Variants in NUP155 observed in about 807,000 individuals in gnomAD.
NUP155 encodes nucleoporin 155.
A neutral mutation model predicts 180.4 loss-of-function variants in NUP155; 71 were observed. The observed-to-expected ratio is 0.39, with a 90% CI of 0.33 to 0.48. The LOEUF is 0.48. Ranked by LOEUF, NUP155 falls within the 20% of genes least tolerant of loss-of-function variation. NUP155 has a pLI of 0.91. For missense variants in NUP155, 1,553 were observed against 1,648.9 expected, an observed-to-expected ratio of 0.94 and a Z score of 1.01; for synonymous variants, 582 against 559.5, an observed-to-expected ratio of 1.04 and a Z score of -0.57.
intron 32 of NUP155, 94 bp downstream of exon 32, chr5:37,298,774 C>G: frequency 1.3e-6 from 1 of 757,188 alleles, no homozygotes; most frequent in South Asian, 1.5e-5. Flanking sequence ...CAAAGAAACT[C>G]TTTATTTTAC....
Position 37,329,201 on chromosome 5 carries a change from G to C in NUP155, c.1802C>G (p.Pro601Arg). 1 of 1,612,810 alleles carries C rather than the reference G, an allele frequency of 6.2e-7. No individual in the cohort carries two copies. The highest frequency in any genetic ancestry group is 8.5e-7 in the Non-Finnish European group (1 of 1,178,872). The change falls in exon 16 of 35, where the codon CCT (proline) becomes CGT (arginine). Residue 601 changes from proline to arginine, a missense_variant. By Grantham distance (103) the Pro-to-Arg change is moderately radical. Coordinates refer to ENST00000231498, the MANE Select transcript of NUP155 (RefSeq NM_153485.3). ...TGTTCCATACTCACTAGAATAGACA[G>C]GAGACCCCAAGATGGGACCAACATT... ...PSNVGPILGS[P>R]VYSSSPVPSG...
intron 10 of NUP155, 132 bp from the exon 11 acceptor site, chr5:37,341,374 T>C (rs1745709797): frequency 2.5e-6 from 2 of 799,210 alleles, no homozygotes; most frequent in Admixed American, 2.1e-5. Context: ...CTAATTTTTA[T>C]TTTTGGAGAT....
At chr5:37,350,344 A>G in intron 6 of NUP155, 79 bp from the exon 7 acceptor site, 1 of 898,488 alleles carries the variant, frequency 1.1e-6, no homozygotes, top group Non-Finnish European at 1.8e-6. Flanking sequence ...CATATTTATA[A>G]AAACCTTCAA....
At chr5:37,318,267 T>C (rs970562592) in intron 20 of NUP155, among the ~76,000 whole-genome samples, 182 bp from the exon 21 acceptor site, 3 of 151,918 alleles carry the variant, frequency 2.0e-5, no homozygotes, top group Admixed American at 2.0e-4. Flanking sequence ...AGATGCTACT[T>C]AAAATGACTG....
intron 25 of NUP155, 80 bp downstream of exon 25, chr5:37,307,216 TA>T: frequency 1.6e-6 from 2 of 1,234,184 alleles, no homozygotes; most frequent in Non-Finnish European, 2.2e-6. Context: ...AAAAAAAACA[TA>T]AAACAAAAAA....
At chr5:37,304,915 A>C in intron 26 of NUP155, 72 bp from the exon 27 acceptor site, 1 of 1,505,568 alleles carries the variant, frequency 6.6e-7, no homozygotes, top group South Asian at 1.1e-5. Flanking sequence ...CTTTAGCCCT[A>C]TAAACTCCAG....
In NUP155 at chr5:37,350,233, C is replaced by A. The variant is rs762360647; in HGVS notation, c.756G>T (p.Arg252Ser). The A allele has an allele frequency of 6.2e-7, 1 of 1,613,800 alleles. No homozygotes were observed. The highest frequency in any genetic ancestry group is 8.5e-7 in the Non-Finnish European group (1 of 1,179,890). Residue 252 changes from arginine (R) to serine (S), a missense_variant, in exon 7 of 35, where the codon AGG (arginine) becomes AGT (serine). Arg to Ser is a moderately radical substitution (Grantham distance 110). Coordinates refer to ENST00000231498, the MANE Select transcript of NUP155 (RefSeq NM_153485.3). ...GTGAGCTCTTTGAGTGGTTTATTTT[C>A]CTACATCTTTGGCTAAACCACCCTG... The part of the protein sequence containing the change: ...AEAGWFSQRC[R>S]KINHSKSSLS...
At chr5:37,366,499 C>T (rs947087992) in intron 1 of NUP155, among the ~76,000 whole-genome samples, 14 of 152,096 alleles carry the variant, frequency 9.2e-5, no homozygotes, top group African/African-American at 3.1e-4. Context: ...AGTGCATTGG[C>T]GCGATCTCAG....
intron 22 of NUP155, among the ~76,000 whole-genome samples, chr5:37,311,083 C>T (rs1426205433): frequency 6.6e-6 from 1 of 152,156 alleles, no homozygotes; most frequent in African/African-American, 2.4e-5. Flanking sequence ...TTACATATTA[C>T]TCCTTCCTAA....
At chr5:37,305,252 G>C (rs1281390222) in intron 25 of NUP155, 42 bp from the exon 26 acceptor site, 3 of 1,542,928 alleles carry the variant, frequency 1.9e-6, no homozygotes, top group Non-Finnish European at 2.7e-6. Context: ...TATTTAACTA[G>C]AAAGCAAATG....
chr5:37,304,687 GAGTTA>G, intron 27 of NUP155, 47 bp downstream of exon 27: 1 of 1,236,552 alleles, frequency 8.1e-7, no homozygotes, highest in African/African-American at 1.5e-5. Context: ...TTAAATCATT[GAGTTA>G]TGCTCCTTAA....
chr5:37,347,375 A>G (rs952630630), intron 9 of NUP155, among the ~76,000 whole-genome samples: 4 of 152,150 alleles, frequency 2.6e-5, no homozygotes. Flanking sequence ...AGTCTACCTT[A>G]TATTTCCAAC....
At chr5:37,294,002 T>C (rs1238163489) in intron 33 of NUP155, among the ~76,000 whole-genome samples, 1 of 13,390 alleles carries the variant, frequency 7.5e-5, no homozygotes, top group Non-Finnish European at 1.0e-4. Context: ...CGAGACGCCG[T>C]CTCAAAAAAA....
At chr5:37,320,150 T>G (rs1229240916) in intron 20 of NUP155, among the ~76,000 whole-genome samples, 1 of 146,710 alleles carries the variant, frequency 6.8e-6, no homozygotes, top group African/African-American at 2.5e-5. Context: ...CAGAGCAAGA[T>G]TGCCTAAAAA....
At chr5:37,348,095 C>A (rs577397110) in intron 9 of NUP155, among the ~76,000 whole-genome samples, 23 of 152,112 alleles carry the variant, frequency 1.5e-4, no homozygotes, top group African/African-American at 5.1e-4. Flanking sequence ...GATAGCACCA[C>A]TGCACTCCCG....
chr5:37,356,333 C>A (rs1200182889), intron 4 of NUP155, among the ~76,000 whole-genome samples: 1 of 151,434 alleles, frequency 6.6e-6, no homozygotes, highest in Non-Finnish European at 1.5e-5. Context: ...GAACTCTGTT[C>A]TCACTTCCAT....
intron 27 of NUP155, among the ~76,000 whole-genome samples, chr5:37,304,249 C>CAAA (rs1179011976): frequency 8.0e-5 from 6 of 74,742 alleles, no homozygotes; most frequent in Admixed American, 1.8e-4. Context: ...GACTCCATCT[C>CAAA]AAAAAAAAAA....
chr5:37,303,035 T>C (rs540064951), intron 28 of NUP155, 127 bp from the exon 29 acceptor site: 2 of 1,145,422 alleles, frequency 1.7e-6, no homozygotes, highest in East Asian at 4.9e-5. Context: ...TGAAAAAAAA[T>C]CATTAGATTT....
intron 30 of NUP155, 118 bp from the exon 31 acceptor site, chr5:37,299,686 T>A: frequency 9.4e-7 from 1 of 1,066,036 alleles, no homozygotes. Context: ...GTTTCTGAAA[T>A]ATGATATAAA....
Sources: gnomAD v4.1 joint callset for allele counts (sites outside exome capture counted in the v4.1 genomes callset) on GRCh38, gnomAD v4.1.1 for gene constraint, MANE v1.5 for transcripts, NCBI Gene and HGNC (gene_info 2026-07-23, HGNC 2026-07-21) for gene names.